ABTB2: variants seen among roughly 807,000 people sequenced by gnomAD.
ABTB2 encodes the protein ankyrin repeat and BTB/POZ domain-containing protein 2.
Under a neutral mutation model 104.1 loss-of-function variants are expected in ABTB2, and 56 were observed. The observed-to-expected ratio is 0.54, with a 90% CI of 0.43 to 0.67. The LOEUF (loss-of-function observed/expected upper bound fraction) is 0.67. Ranked by LOEUF, ABTB2 falls within the 30% of genes least tolerant of loss-of-function variation. The probability of loss-of-function intolerance (pLI) is 0.00; values close to 1 mark genes in which losing one functional copy is unlikely to be tolerated. For synonymous variants in ABTB2, 606 were observed against 608.2 expected, an observed-to-expected ratio of 1.00 and a Z score of 0.05; for missense variants, 1,279 against 1,407.7, an observed-to-expected ratio of 0.91 and a Z score of 1.46.
intron 4 of ABTB2, 152 bp from the exon 5 acceptor site, chr11:34,171,223 C>G: frequency 9.0e-6 from 7 of 778,976 alleles, no homozygotes; most frequent in Non-Finnish European, 1.4e-5. Context: ...ATTACTGTCC[C>G]CATCATGTTC....
chr11:34,209,348 A>G lies in ABTB2; in HGVS notation c.884-4658T>C, dbSNP rs1225619632. Among the ~76,000 whole-genome samples, 4 of 150,770 alleles carry G rather than the reference A, an allele frequency of 2.7e-5. No homozygotes were observed. In the South Asian group the frequency reaches 8.5e-4, roughly 32 times the overall value. ...CAGAGTGAGCCTCTGTCTCCAAAAA[A>G]AAACTTTTTTTTTCCCCCAGAAAAG... On this transcript the variant is annotated intron_variant, in intron 1 of 16. Transcript: ENST00000435224.
intron 1 of ABTB2, among the ~76,000 whole-genome samples, chr11:34,272,857 A>T (rs943756598): frequency 6.6e-6 from 1 of 152,096 alleles, no homozygotes; most frequent in Non-Finnish European, 1.5e-5. Context: ...GCTGTGGTTA[A>T]GTGTACAGCC....
At chr11:34,268,221 G>A (rs138013236) in intron 1 of ABTB2, among the ~76,000 whole-genome samples, 2 of 152,352 alleles carry the variant, frequency 1.3e-5, no homozygotes, top group African/African-American at 4.8e-5. Context: ...TGGGATTACA[G>A]GCTTGAGCCA....
chr11:34,354,232 G>A lies in ABTB2; in HGVS notation c.883+2469C>T, dbSNP rs569668105. Reference sequence around the variant, plus strand: ...CACTTTGACTCTGAGCATCCGGGGAGCTTTGTTGTCTGCCACAGAGAATCC... The same window carrying A: ...CACTTTGACTCTGAGCATCCGGGGAACTTTGTTGTCTGCCACAGAGAATCC... On this transcript the variant is annotated intron_variant, in intron 1 of 16. Transcript: ENST00000435224. Among the ~76,000 whole-genome samples, 7 of 152,242 alleles carry A rather than the reference G, an allele frequency of 4.6e-5. No homozygotes were observed. In the South Asian group the frequency reaches 6.2e-4, roughly 14 times the overall value.
intron 1 of ABTB2, among the ~76,000 whole-genome samples, chr11:34,342,756 A>G (rs1433456180): frequency 6.6e-6 from 1 of 151,994 alleles, no homozygotes; most frequent in Admixed American, 6.6e-5. Flanking sequence ...AAGAGTAGAG[A>G]ATCAGGGGTA....
intron 1 of ABTB2, chr11:34,335,016 T>C (rs1855176990): frequency 3.5e-6 from 2 of 571,240 alleles, no homozygotes; most frequent in South Asian, 2.2e-5. Context: ...CTGAAATAAA[T>C]AGAAATAAGT....
At chr11:34,311,554 G>A (rs1044662573) in intron 1 of ABTB2, among the ~76,000 whole-genome samples, 11 of 152,196 alleles carry the variant, frequency 7.2e-5, no homozygotes, top group African/African-American at 2.2e-4. Context: ...TTCTGAAGCC[G>A]CTGCTAATAT....
At position 34,171,067 on chromosome 11, in the gene ABTB2, C is replaced by T. The variant is rs762292768; in HGVS notation, c.1402G>A (p.Glu468Lys). The T allele has an allele frequency of 2.3e-5, 37 of 1,613,964 alleles. No individual in the cohort carries two copies. Among genetic ancestry groups the T allele is most frequent in the Middle Eastern group, 1.7e-4 (1 of 6,058 alleles). ...LDCEPRQLKP[E>K]HCFSSFRRLD... Reference sequence around the variant, plus strand: ...CTCCGGAAGGAACTGAAACAGTGTTCGGGTCTGCCCAGAAGAGACCCAAAG... The same window carrying T: ...CTCCGGAAGGAACTGAAACAGTGTTTGGGTCTGCCCAGAAGAGACCCAAAG... The change falls in exon 5 of 17, where the codon GAA becomes AAA. Residue 468 changes from glutamate to lysine, a missense_variant. Transcript: ENST00000435224.
At chr11:34,155,799 C>T (rs561017023) in intron 14 of ABTB2, among the ~76,000 whole-genome samples, 2 of 152,376 alleles carry the variant, frequency 1.3e-5, no homozygotes, top group East Asian at 3.9e-4. Context: ...CGGCCTTCTG[C>T]AGCCCCTGCT....
At chr11:34,178,300 AAAG>A (rs1852981526) in intron 3 of ABTB2, among the ~76,000 whole-genome samples, 1 of 152,122 alleles carries the variant, frequency 6.6e-6, no homozygotes, top group African/African-American at 2.4e-5. Context: ...GGGAAGGTAA[AAAG>A]AGAAGTAATT....
chr11:34,260,478 C>G (rs1004750139), intron 1 of ABTB2, among the ~76,000 whole-genome samples: 16 of 152,178 alleles, frequency 1.1e-4, no homozygotes, highest in African/African-American at 3.6e-4. Flanking sequence ...GACATGTCAG[C>G]ACACACTGCA....
intron 1 of ABTB2, among the ~76,000 whole-genome samples, chr11:34,229,253 T>A (rs372501492): frequency 5.3e-5 from 8 of 151,026 alleles, no homozygotes; most frequent in Non-Finnish European, 1.2e-4. Context: ...GAGGCCGAGG[T>A]GGGCGGATCA....
chr11:34,241,868 A>C (rs1853920800), intron 1 of ABTB2, among the ~76,000 whole-genome samples: 1 of 152,242 alleles, frequency 6.6e-6, no homozygotes, highest in African/African-American at 2.4e-5. Flanking sequence ...TTTAGAATCT[A>C]AGGCTGAGTT....
chr11:34,237,971 C>G (rs1172544457), intron 1 of ABTB2, among the ~76,000 whole-genome samples: 1 of 152,130 alleles, frequency 6.6e-6, no homozygotes, highest in Non-Finnish European at 1.5e-5. Context: ...TAAATTGATA[C>G]CCCATTTGCC....
At chr11:34,347,158 G>A (rs552630055) in intron 1 of ABTB2, among the ~76,000 whole-genome samples, 3 of 152,266 alleles carry the variant, frequency 2.0e-5, no homozygotes, top group African/African-American at 2.4e-5. Context: ...ACCATGGGCC[G>A]GGCATGGTGG....
At chr11:34,199,452 T>C (rs1177222081) in intron 2 of ABTB2, among the ~76,000 whole-genome samples, 1 of 152,206 alleles carries the variant, frequency 6.6e-6, no homozygotes, top group Non-Finnish European at 1.5e-5. Context: ...GTGACCCTGA[T>C]TTCATTGGTC....
intron 1 of ABTB2, among the ~76,000 whole-genome samples, chr11:34,253,216 G>A (rs1219804630): frequency 6.6e-6 from 1 of 152,094 alleles, no homozygotes; most frequent in African/African-American, 2.4e-5. Flanking sequence ...AGGCCCAGAG[G>A]CCTCACCTGG....
rs537398119 is a variant in ABTB2 at position 34,327,007 on chromosome 11, G to A, written c.883+29694C>T. On this transcript the variant is annotated intron_variant, in intron 1 of 16. Transcript: ENST00000435224. ...GGAGAATCGCTTAAACCCGGGAGGT[G>A]GAGGTTGCAGTGAGCCAAGATTGCG... is the stretch of plus-strand genomic sequence containing the variant. 1.9e-3 allele frequency among the ~76,000 whole-genome samples: 282 copies of A among 152,058 alleles called. 2 individuals are homozygous for A. The highest frequency in any genetic ancestry group is 3.4e-3 in the Middle Eastern group (1 of 292).
At chr11:34,220,023 C>T (rs1853598677) in intron 1 of ABTB2, among the ~76,000 whole-genome samples, 1 of 152,212 alleles carries the variant, frequency 6.6e-6, no homozygotes, top group African/African-American at 2.4e-5. Context: ...CAAACACTCC[C>T]TGGTTATCTC....
Sources: gnomAD v4.1 joint callset for allele counts (sites outside exome capture counted in the v4.1 genomes callset) on GRCh38, gnomAD v4.1.1 for gene constraint, MANE v1.5 for transcripts, NCBI Gene and HGNC (gene_info 2026-07-23, HGNC 2026-07-21) for gene names.